ADARB2: variants seen among roughly 807,000 people sequenced by gnomAD.
ADARB2 encodes inactive double-stranded RNA-specific editase B2.
ADARB2 carries 25 observed loss-of-function variants against 62.2 expected under a neutral mutation model. The ratio of observed to expected loss-of-function variants is 0.40; its 90% CI spans 0.29 to 0.56. The LOEUF (loss-of-function observed/expected upper bound fraction) is 0.56. Ranked by LOEUF, ADARB2 falls within the 20% of genes least tolerant of loss-of-function variation. The pLI, the probability that ADARB2 is intolerant of heterozygous loss-of-function variation, is 0.43. For missense variants in ADARB2, 1,071 were observed against 1,077.4 expected, an observed-to-expected ratio of 0.99 and a Z score of 0.08; for synonymous variants, 572 against 500.8, an observed-to-expected ratio of 1.14 and a Z score of -1.90.
intron 3 of ADARB2, among the ~76,000 whole-genome samples, chr10:1,344,148 A>G (rs1303886941): frequency 6.6e-6 from 1 of 152,090 alleles, no homozygotes; most frequent in Non-Finnish European, 1.5e-5. Flanking sequence ...GCCTCACAGG[A>G]TTTGGGTCCC....
At chr10:1,185,173 A>G in intron 8 of ADARB2, 134 bp from the exon 9 acceptor site, 1 of 1,192,138 alleles carries the variant, frequency 8.4e-7, no homozygotes, top group Non-Finnish European at 1.1e-6. Context: ...AGGACTGGCC[A>G]GTTCACGTGT....
At chr10:1,200,237 C>T (rs1836967884) in intron 7 of ADARB2, 90 bp from the exon 8 acceptor site, 1 of 1,514,272 alleles carries the variant, frequency 6.6e-7, no homozygotes, top group African/African-American at 1.4e-5. Flanking sequence ...GTCCTGAGGA[C>T]CTGTCAGTCT....
chr10:1,676,748 G>T (rs1834471031), intron 1 of ADARB2, among the ~76,000 whole-genome samples: 1 of 151,602 alleles, frequency 6.6e-6, no homozygotes, highest in Non-Finnish European at 1.5e-5. Flanking sequence ...AACTTCCAAA[G>T]ACCCTACTTC....
chr10:1,339,364 C>T (rs965338366), intron 3 of ADARB2, among the ~76,000 whole-genome samples: 2 of 152,198 alleles, frequency 1.3e-5, no homozygotes, highest in African/African-American at 4.8e-5. Flanking sequence ...TGTTTTGGGT[C>T]CCATTCCTGC....
chr10:1,564,026 A>G (rs1330533374), intron 1 of ADARB2, among the ~76,000 whole-genome samples: 8 of 150,850 alleles, frequency 5.3e-5, no homozygotes, highest in African/African-American at 2.0e-4. Flanking sequence ...AATCCAGTCT[A>G]TCATTGTTGG....
chr10:1,309,356 G>A (rs1042926056), intron 3 of ADARB2, among the ~76,000 whole-genome samples: 2 of 152,168 alleles, frequency 1.3e-5, no homozygotes, highest in African/African-American at 2.4e-5. Flanking sequence ...CCTCCATGCC[G>A]ACTGTGGCCT....
In ADARB2 at chr10:1,461,513, T is replaced by TA. The variant is rs568879345; in HGVS notation, c.101-82354dup. Among the ~76,000 whole-genome samples the TA allele has an allele frequency of 1.9e-4, 23 of 118,698 alleles. No individual in the cohort carries two copies. The South Asian group carries it at 5.4e-3, about 28-fold the overall frequency. 77.9% of individuals were successfully genotyped at this position (118,698 alleles called of 152,430 possible). A position where few individuals can be genotyped will look rare whatever the true frequency, so the allele number is the denominator to read the frequency against. The stretch of plus-strand genomic sequence containing the variant: ...ATCTAATTCTTTCCCTGTGCATATA[T>TA]ATTTTTTTTTTTAAAGAAATTTGCC... On this transcript the variant is annotated intron_variant, in intron 1 of 9. Coordinates refer to ENST00000381312, the MANE Select transcript of ADARB2 (RefSeq NM_018702.4).
At chr10:1,292,255 G>C (rs1476713609) in intron 3 of ADARB2, 1 of 152,184 alleles carries the variant, frequency 6.6e-6, no homozygotes, top group African/African-American at 2.4e-5. Context: ...GTGAGCCACC[G>C]CACCTGGCTA....
chr10:1,199,179 G>GGCCCA (rs1397444580), intron 8 of ADARB2, among the ~76,000 whole-genome samples: 2 of 152,094 alleles, frequency 1.3e-5, no homozygotes, highest in African/African-American at 4.8e-5. Context: ...GTGTTCTGCA[G>GGCCCA]GCCCAGCATG....
chr10:1,368,049 C>T (rs1832328503), intron 2 of ADARB2, among the ~76,000 whole-genome samples: 2 of 152,184 alleles, frequency 1.3e-5, no homozygotes, highest in African/African-American at 4.8e-5. Flanking sequence ...TTGGAATCCT[C>T]TGCACAGGCC....
intron 4 of ADARB2, among the ~76,000 whole-genome samples, chr10:1,262,368 A>C (rs1831149321): frequency 6.6e-6 from 1 of 150,956 alleles, no homozygotes; most frequent in African/African-American, 2.4e-5. Context: ...AATGGGAGAA[A>C]ATTTTTGCAA....
intron 1 of ADARB2, among the ~76,000 whole-genome samples, chr10:1,392,779 G>A (rs1832581446): frequency 6.6e-6 from 1 of 152,160 alleles, no homozygotes; most frequent in Non-Finnish European, 1.5e-5. Context: ...GGATTCATAG[G>A]TTTGGTCCTG....
intron 1 of ADARB2, among the ~76,000 whole-genome samples, chr10:1,695,504 T>C (rs1283334342): frequency 6.6e-6 from 1 of 152,130 alleles, no homozygotes; most frequent in East Asian, 1.9e-4. Context: ...TATTAAACAA[T>C]CTCATATATA....
At position 1,183,003 on chromosome 10, in the gene ADARB2, G is replaced by A; in HGVS notation, c.*190C>T. ...CTGGGTGTGGGGGACAGGGTTCTGG[G>A]GCCAGCGATCTGGAAAGAGGCACGT... is the stretch of plus-strand genomic sequence containing the variant. On this transcript the variant is annotated 3_prime_UTR_variant, in exon 10 of 10. Transcript: ENST00000381312. The A allele has an allele frequency of 1.5e-6, 1 of 657,038 alleles. No individual in the cohort carries two copies. Among genetic ancestry groups the A allele is most frequent in the Non-Finnish European group, 2.6e-6 (1 of 391,704 alleles). 40.7% of individuals were successfully genotyped at this position (657,038 alleles called of 1,614,324 possible). A position where few individuals can be genotyped will look rare whatever the true frequency, so the allele number is the denominator to read the frequency against.
At chr10:1,245,689 A>G (rs1386249958) in intron 4 of ADARB2, among the ~76,000 whole-genome samples, 4 of 152,182 alleles carry the variant, frequency 2.6e-5, no homozygotes, top group Middle Eastern at 3.2e-3. Context: ...ATGGCTGCAT[A>G]GTATTCCATG....
At chr10:1,219,399 T>G (rs1224591767) in intron 6 of ADARB2, among the ~76,000 whole-genome samples, 1 of 152,266 alleles carries the variant, frequency 6.6e-6, no homozygotes, top group Non-Finnish European at 1.5e-5. Context: ...TCTTTCACTA[T>G]ACATTCATAG....
intron 1 of ADARB2, among the ~76,000 whole-genome samples, chr10:1,626,498 G>A (rs1256531836): frequency 2.0e-5 from 3 of 152,172 alleles, no homozygotes; most frequent in Non-Finnish European, 2.9e-5. Context: ...CTCAGCAGCC[G>A]AGGTCTTTTC....
chr10:1,631,010 A>T (rs576922181), intron 1 of ADARB2, among the ~76,000 whole-genome samples: 1 of 152,148 alleles, frequency 6.6e-6, no homozygotes, highest in Non-Finnish European at 1.5e-5. Flanking sequence ...TGAAAGAAAG[A>T]AAAAAAGAAA....
At chr10:1,535,379 G>T (rs1309870283) in intron 1 of ADARB2, among the ~76,000 whole-genome samples, 1 of 152,218 alleles carries the variant, frequency 6.6e-6, no homozygotes, top group African/African-American at 2.4e-5. Flanking sequence ...GTGCAGCTGA[G>T]TTCTCGGTAA....
Sources: gnomAD v4.1 joint callset for allele counts (sites outside exome capture counted in the v4.1 genomes callset) on GRCh38, gnomAD v4.1.1 for gene constraint, MANE v1.5 for transcripts, NCBI Gene and HGNC (gene_info 2026-07-23, HGNC 2026-07-21) for gene names.